The following CHST12 variants were observed in gnomAD, a reference collection of about 807,000 sequenced individuals.
CHST12 encodes the protein carbohydrate sulfotransferase 12, also known as carbohydrate (chondroitin 4) sulfotransferase 12.
CHST12 carries 23 observed loss-of-function variants against 27.9 expected under a neutral mutation model. That is an observed-to-expected ratio of 0.82 (90% CI 0.59 to 1.17). The LOEUF (loss-of-function observed/expected upper bound fraction) is 1.17, where lower values mean the gene tolerates loss of function less well. CHST12 is among the 50% of genes most tolerant of loss of function. CHST12 has a pLI of 0.00. For missense variants in CHST12, 682 were observed against 603.0 expected (o/e 1.13, Z -1.37); for synonymous variants, 322 against 273.0 (o/e 1.18, Z -1.77).
rs764435891 is a variant in CHST12 at position 2,432,702 on chromosome 7, G to T, written c.63G>T (p.Leu21=). 2 of 1,613,876 alleles carry T rather than the reference G, an allele frequency of 1.2e-6. No homozygotes were observed. The highest frequency in any genetic ancestry group is 3.3e-5 in the Admixed American group (2 of 60,022). ...TGGGGTCGGTGTTCATGATCCTGCT[G>T]ATCATCGTGTACTGGGACAGCGCAG... ...LVLGSVFMIL[L]IIVYWDSAGA... is the part of the protein sequence containing the mutation. The change falls in exon 2 of 2, where the codon CTG becomes CTT. Residue 21 remains leucine, a synonymous_variant. Coordinates refer to ENST00000618655, the MANE Select transcript of CHST12 (RefSeq NM_018641.5).
rs1367029222 is a variant in CHST12, at chr7:2,445,283, C to G, written c.*11399C>G. 6.6e-6 allele frequency: 1 copy of G among 152,270 alleles called. No homozygotes were observed. The highest frequency in any genetic ancestry group is 1.5e-5 in the Non-Finnish European group (1 of 68,108). 9.4% of individuals were successfully genotyped at this position (152,270 alleles called of 1,614,324 possible). A position where few individuals can be genotyped will look rare whatever the true frequency, so the allele number is the denominator to read the frequency against. ...GGGATGTTGTGGAGGACTTGGCACG[C>G]CCTGTCTCAGGCCTGGCTCTGGCTC... is the stretch of plus-strand genomic sequence containing the variant. On this transcript the variant is annotated 3_prime_UTR_variant, in exon 2 of 2. Transcript: ENST00000618655.
chr7:2,434,101 T>TACGC lies in CHST12; in HGVS notation c.*217_*218insACGC, dbSNP rs1554282387. 8.0e-6 allele frequency: 3 copies of TACGC among 374,044 alleles called. No homozygotes were observed. The highest frequency in any genetic ancestry group is 1.4e-5 in the Non-Finnish European group (3 of 207,254). The allele number at this position is 374,044 out of a possible 1,614,324, so 23.2% of individuals were successfully genotyped here. A position where few individuals can be genotyped will look rare whatever the true frequency, so the allele number is the denominator to read the frequency against. On this transcript the variant is annotated 3_prime_UTR_variant, in exon 2 of 2. Coordinates refer to ENST00000618655, the MANE Select transcript of CHST12 (RefSeq NM_018641.5). ...CTGGAGTAAAATATCCCCTCTCCCCTCCGCCCGCCCACCCGCCCGCCCGCT... is the reference window on the plus strand; with the variant it reads ...CTGGAGTAAAATATCCCCTCTCCCCTACGCCCGCCCGCCCACCCGCCCGCCCGCT...
intron 1 of CHST12, among the ~76,000 whole-genome samples, chr7:2,424,601 A>G (rs1252896215): frequency 1.3e-5 from 2 of 152,086 alleles, no homozygotes; most frequent in Admixed American, 1.3e-4. Context: ...TTGTGCTTGG[A>G]TGCCCTCGGG....
chr7:2,417,624 AAC>A (rs1289846520), intron 1 of CHST12, among the ~76,000 whole-genome samples: 1 of 152,062 alleles, frequency 6.6e-6, no homozygotes, highest in Non-Finnish European at 1.5e-5. Flanking sequence ...TCCTGACCTC[AAC>A]TGATCCGCCT....
intron 1 of CHST12, among the ~76,000 whole-genome samples, chr7:2,405,308 G>T (rs1244053313): frequency 6.6e-6 from 1 of 152,146 alleles, no homozygotes; most frequent in Non-Finnish European, 1.5e-5. Context: ...AGCTGGGCGT[G>T]GTGGTGCACA....
In CHST12 at chr7:2,433,442, G is replaced by A. The variant is rs758082936; in HGVS notation, c.803G>A (p.Arg268His). 1.4e-5 allele frequency: 22 copies of A among 1,609,720 alleles called. No individual in the cohort carries two copies. The highest frequency in any genetic ancestry group is 1.6e-4 in the Middle Eastern group (1 of 6,084). ...GAGCTGGAGAACGAGGAGTTCTACCGCAAGTTCGCCGTGCCCATGCTGCGG... is the reference window on the plus strand; with the variant it reads ...GAGCTGGAGAACGAGGAGTTCTACCACAAGTTCGCCGTGCCCATGCTGCGG... ...KFELENEEFY[R>H]KFAVPMLRLY... The change falls in exon 2 of 2, where the codon CGC becomes CAC. Residue 268 changes from arginine (R) to histidine (H), a missense_variant. Physicochemically the swap from Arg to His is conservative, Grantham distance 29. Transcript: ENST00000618655. The surrounding 1 kb of genome is among the most constrained non-coding windows in gnomAD (Gnocchi z 6.1).
chr7:2,406,580 C>T (rs1163636551), intron 1 of CHST12, among the ~76,000 whole-genome samples: 1 of 151,954 alleles, frequency 6.6e-6, no homozygotes, highest in Non-Finnish European at 1.5e-5. Flanking sequence ...AACAGGGACC[C>T]TTTGGCTCCC....
chr7:2,410,908 T>G (rs962264049), intron 1 of CHST12, among the ~76,000 whole-genome samples: 7 of 151,470 alleles, frequency 4.6e-5, no homozygotes, highest in African/African-American at 1.7e-4. Context: ...GGGTTGAAAA[T>G]GGATTGTGTG....
At chr7:2,411,219 A>G (rs977554151) in intron 1 of CHST12, among the ~76,000 whole-genome samples, 4 of 151,978 alleles carry the variant, frequency 2.6e-5, no homozygotes, top group Non-Finnish European at 5.9e-5. Context: ...AGTAGCTGGG[A>G]CTACAGGTGT....
In CHST12 at chr7:2,434,120, G is replaced by T; in HGVS notation, c.*236G>T. On this transcript the variant is annotated 3_prime_UTR_variant, in exon 2 of 2. Coordinates refer to ENST00000618655, the MANE Select transcript of CHST12 (RefSeq NM_018641.5). ...CTCCCCTCCGCCCGCCCACCCGCCC[G>T]CCCGCTCGCCCGCTCGCCCGCTCCT... is the stretch of plus-strand genomic sequence containing the variant. The T allele has an allele frequency of 9.5e-6, 3 of 317,110 alleles. No homozygotes were observed. The highest frequency in any genetic ancestry group is 1.7e-5 in the Non-Finnish European group (3 of 174,102). 19.6% of individuals were successfully genotyped at this position (317,110 alleles called of 1,614,324 possible).
chr7:2,411,490 C>CTTTTTTTTTTTT lies in CHST12; in HGVS notation c.-78+7824_-78+7835dup, dbSNP rs79743047. 1.6e-3 allele frequency among the ~76,000 whole-genome samples: 137 copies of CTTTTTTTTTTTT among 87,540 alleles called. 8 individuals carry two copies. Among genetic ancestry groups the CTTTTTTTTTTTT allele is most frequent in the African/African-American group, 3.7e-3 (77 of 21,022 alleles). 57.4% of individuals were successfully genotyped at this position (87,540 alleles called of 152,430 possible). ...ATAATTTCTTTGAGTTAACTTAACT[C>CTTTTTTTTTTTT]TTTTTTTTTTTTTTTTTTGAGACGG... On this transcript the variant is annotated intron_variant, in intron 1 of 1. Coordinates refer to ENST00000618655, the MANE Select transcript of CHST12 (RefSeq NM_018641.5).
At chr7:2,416,076 A>T (rs532474107) in intron 1 of CHST12, among the ~76,000 whole-genome samples, 1 of 152,202 alleles carries the variant, frequency 6.6e-6, no homozygotes, top group Non-Finnish European at 1.5e-5. Flanking sequence ...CTGCATTATC[A>T]TGTAAGTCTA....
At chr7:2,408,671 G>A (rs1781588229) in intron 1 of CHST12, among the ~76,000 whole-genome samples, 1 of 152,184 alleles carries the variant, frequency 6.6e-6, no homozygotes, top group South Asian at 2.1e-4. Flanking sequence ...AGGGAGGGTA[G>A]GGTAAAGACA....
intron 1 of CHST12, among the ~76,000 whole-genome samples, chr7:2,411,975 C>T (rs1781678672): frequency 6.6e-6 from 1 of 152,176 alleles, no homozygotes; most frequent in East Asian, 1.9e-4. Flanking sequence ...GATTTCCTGT[C>T]TACCTGGGAA....
In CHST12 at chr7:2,440,391, T is replaced by C. The variant is rs115648088; in HGVS notation, c.*6507T>C. Reference sequence around the variant, plus strand: ...TGTGCGTGCAAGTGTGAGTCTGCACTTGTGTGCAAGAGAATGTGTGTGTGT... The same window carrying C: ...TGTGCGTGCAAGTGTGAGTCTGCACCTGTGTGCAAGAGAATGTGTGTGTGT... On this transcript the variant is annotated 3_prime_UTR_variant, in exon 2 of 2. Coordinates refer to ENST00000618655, the MANE Select transcript of CHST12 (RefSeq NM_018641.5). 4.9e-3 allele frequency: 756 copies of C among 154,118 alleles called. 4 individuals carry two copies. The highest frequency in any genetic ancestry group is 0.018 in the African/African-American group (735 of 41,534). 9.5% of individuals were successfully genotyped at this position (154,118 alleles called of 1,614,324 possible).
At chr7:2,422,041 T>C (rs1320706346) in intron 1 of CHST12, among the ~76,000 whole-genome samples, 1 of 152,216 alleles carries the variant, frequency 6.6e-6, no homozygotes, top group African/African-American at 2.4e-5. Context: ...AGTGCTTAGG[T>C]TGGCTCAGTA....
At chr7:2,412,892 TAG>T (rs2115393568) in intron 1 of CHST12, among the ~76,000 whole-genome samples, 1 of 147,082 alleles carries the variant, frequency 6.8e-6, no homozygotes, top group Admixed American at 6.8e-5. Flanking sequence ...AATTTGCAAA[TAG>T]ACAGTTTTTT....
intron 1 of CHST12, among the ~76,000 whole-genome samples, chr7:2,422,624 C>T (rs912202287): frequency 6.6e-6 from 1 of 151,936 alleles, no homozygotes; most frequent in East Asian, 1.9e-4. Context: ...CAAACTGCGA[C>T]TCCCGGGTTC....
intron 1 of CHST12, among the ~76,000 whole-genome samples, chr7:2,413,723 CTT>C (rs1198072520): frequency 1.6e-4 from 17 of 104,084 alleles, no homozygotes; most frequent in African/African-American, 4.6e-4. Context: ...CAGGTTTTAG[CTT>C]TTTTTTTTTT....
Sources: gnomAD v4.1 joint callset for allele counts (sites outside exome capture counted in the v4.1 genomes callset) on GRCh38, gnomAD v4.1.1 for gene constraint, Gnocchi (gnomAD v3.1) non-coding constraint, MANE v1.5 for transcripts, NCBI Gene and HGNC (gene_info 2026-07-23, HGNC 2026-07-21) for gene names.